The following SPATA17 variants were observed in gnomAD, a reference collection of about 807,000 sequenced individuals.
The protein encoded by SPATA17 is spermatogenesis associated 17, also known as spermatogenesis-associated protein 17.
In SPATA17, 53 loss-of-function variants were observed where a neutral mutation model predicts 62.2. That is an observed-to-expected ratio of 0.85 (90% CI 0.68 to 1.07). SPATA17 has a LOEUF of 1.07. Among genes scored for constraint, SPATA17 ranks in the 50% least tolerant of loss-of-function variants. The pLI, the probability that SPATA17 is intolerant of heterozygous loss-of-function variation, is 0.00. For missense variants in SPATA17, 466 were observed against 425.5 expected (o/e 1.10, Z -0.84); for synonymous variants, 146 against 146.8 (o/e 0.99, Z 0.04).
chr1:217,809,308 C>T (rs901618477), intron 9 of SPATA17, among the ~76,000 whole-genome samples: 2 of 152,110 alleles, frequency 1.3e-5, no homozygotes, highest in African/African-American at 2.4e-5. Context: ...CTAGTTCACC[C>T]TTAGAACTGA....
At chr1:217,797,089 T>C (rs1466712707) in intron 8 of SPATA17, among the ~76,000 whole-genome samples, 1 of 152,186 alleles carries the variant, frequency 6.6e-6, no homozygotes, top group Non-Finnish European at 1.5e-5. Flanking sequence ...AAATAATTTG[T>C]ATATTTCCAA....
intron 3 of SPATA17, among the ~76,000 whole-genome samples, chr1:217,662,636 CAT>C (rs1431820980): frequency 6.6e-6 from 1 of 152,066 alleles, no homozygotes; most frequent in African/African-American, 2.4e-5. Context: ...AAAATGATGA[CAT>C]GTACCATCAA....
At chr1:217,839,698 A>G (rs1047766707) in intron 9 of SPATA17, among the ~76,000 whole-genome samples, 1 of 148,422 alleles carries the variant, frequency 6.7e-6, no homozygotes, top group Non-Finnish European at 1.5e-5. Flanking sequence ...AAGCATATCC[A>G]TATATATCTT....
intron 9 of SPATA17, among the ~76,000 whole-genome samples, chr1:217,830,526 A>G (rs896153054): frequency 4.6e-5 from 7 of 152,164 alleles, no homozygotes; most frequent in Non-Finnish European, 7.3e-5. Flanking sequence ...GCAAAAAATT[A>G]TTCTCATAGA....
chr1:217,697,859 C>G (rs1671495789), intron 5 of SPATA17, among the ~76,000 whole-genome samples: 1 of 152,040 alleles, frequency 6.6e-6, no homozygotes, highest in Non-Finnish European at 1.5e-5. Flanking sequence ...ATCTTCTTGT[C>G]TATAGTATTC....
intron 5 of SPATA17, among the ~76,000 whole-genome samples, chr1:217,700,516 C>T (rs1045030476): frequency 5.9e-5 from 9 of 152,230 alleles, no homozygotes; most frequent in African/African-American, 2.2e-4. Context: ...TGATTGAATA[C>T]ACACCCATAG....
intron 3 of SPATA17, among the ~76,000 whole-genome samples, chr1:217,656,582 T>TATGTATG (rs777640126): frequency 3.6e-4 from 43 of 118,464 alleles, no homozygotes; most frequent in African/African-American, 1.1e-3. Flanking sequence ...ATGTATGTAT[T>TATGTATG]TATTTATTTT....
intron 9 of SPATA17, among the ~76,000 whole-genome samples, chr1:217,804,944 C>T (rs1422732600): frequency 6.6e-6 from 1 of 152,024 alleles, no homozygotes; most frequent in East Asian, 1.9e-4. Context: ...GGTGGGAATA[C>T]AAATTAGTAC....
At chr1:217,681,148 A>C (rs1033503141) in intron 4 of SPATA17, among the ~76,000 whole-genome samples, 2 of 150,374 alleles carry the variant, frequency 1.3e-5, no homozygotes, top group African/African-American at 4.9e-5. Context: ...AATCGCTTGA[A>C]CCAGGGAGTT....
chr1:217,698,994 C>CT (rs1297768627), intron 5 of SPATA17, among the ~76,000 whole-genome samples: 1 of 152,128 alleles, frequency 6.6e-6, no homozygotes, highest in African/African-American at 2.4e-5. Flanking sequence ...TTATGATTGA[C>CT]TTTTTTTCCA....
rs150160315 is a variant in SPATA17 at position 217,651,107 on chromosome 1, A to G, written c.169A>G (p.Arg57Gly). 1.2e-5 allele frequency: 20 copies of G among 1,606,640 alleles called. No homozygotes were observed. The African/African-American group carries it at 2.3e-4, about 18-fold the overall frequency. ...TTTTTTTTATCCTAGGCATTTAAAC[A>G]GGATTGTAACAATTATTCAAAAATG... is the stretch of plus-strand genomic sequence containing the variant. Reference protein sequence around the residue: ...QVRAYIRHLNRIVTIIQKWWR... With the variant: ...QVRAYIRHLNGIVTIIQKWWR... The change falls in exon 3 of 11, where the codon AGG becomes GGG. Residue 57 changes from arginine (R) to glycine (G), a missense_variant. By Grantham distance (125) the Arg-to-Gly change is moderately radical. Coordinates refer to ENST00000366933, the MANE Select transcript of SPATA17 (RefSeq NM_138796.4).
At position 217,782,769 on chromosome 1, in the gene SPATA17, G is replaced by A. The variant is rs1673761326; in HGVS notation, c.872+447G>A. Among the ~76,000 whole-genome samples the A allele has an allele frequency of 2.6e-5, 4 of 152,022 alleles. No individual in the cohort carries two copies. The South Asian group carries it at 8.3e-4, about 31-fold the overall frequency. On this transcript the variant is annotated intron_variant, in intron 8 of 10. Coordinates refer to ENST00000366933, the MANE Select transcript of SPATA17 (RefSeq NM_138796.4). ...GAAAGAAGTTAGCTTCTTTATGACTGAGGAAGATGACTGAAAAAGATGAAG... is the reference window on the plus strand; with the variant it reads ...GAAAGAAGTTAGCTTCTTTATGACTAAGGAAGATGACTGAAAAAGATGAAG...
intron 9 of SPATA17, among the ~76,000 whole-genome samples, chr1:217,833,577 G>A (rs1294116775): frequency 6.6e-6 from 1 of 152,022 alleles, no homozygotes; most frequent in Non-Finnish European, 1.5e-5. Flanking sequence ...ATTTTCCTTT[G>A]TTGGAAATCT....
chr1:217,726,484 T>C (rs1672259428), intron 5 of SPATA17, among the ~76,000 whole-genome samples: 1 of 152,208 alleles, frequency 6.6e-6, no homozygotes, highest in African/African-American at 2.4e-5. Flanking sequence ...ATAAACCCTC[T>C]TGGCTGGGGT....
intron 3 of SPATA17, among the ~76,000 whole-genome samples, chr1:217,658,607 A>G (rs1443976648): frequency 6.6e-6 from 1 of 151,972 alleles, no homozygotes; most frequent in Non-Finnish European, 1.5e-5. Context: ...GAACACAAAA[A>G]ATTAGCAGGG....
At chr1:217,642,279 A>G (rs1376399314) in intron 1 of SPATA17, among the ~76,000 whole-genome samples, 1 of 152,162 alleles carries the variant, frequency 6.6e-6, no homozygotes, top group Non-Finnish European at 1.5e-5. Context: ...GAAACTATGT[A>G]TGTATCCTAT....
At chr1:217,855,584 G>T (rs1675762343) in intron 9 of SPATA17, among the ~76,000 whole-genome samples, 1 of 151,856 alleles carries the variant, frequency 6.6e-6, no homozygotes, top group African/African-American at 2.4e-5. Context: ...TAATACATAT[G>T]CCACTGAATA....
chr1:217,791,638 T>C (rs1673996484), intron 8 of SPATA17, among the ~76,000 whole-genome samples: 1 of 152,244 alleles, frequency 6.6e-6, no homozygotes, highest in African/African-American at 2.4e-5. Flanking sequence ...TGGAATACTT[T>C]CAGTGATATG....
intron 5 of SPATA17, among the ~76,000 whole-genome samples, chr1:217,703,022 G>A (rs192369771): frequency 8.0e-4 from 121 of 151,174 alleles, no homozygotes; most frequent in Middle Eastern, 3.4e-3. Flanking sequence ...TATTACAAGC[G>A]CCCACACCAT....
Sources: allele counts gnomAD v4.1 joint callset (sites outside exome capture counted in the v4.1 genomes callset), GRCh38; gene constraint gnomAD v4.1.1; transcripts MANE v1.5; gene names NCBI Gene and HGNC (gene_info 2026-07-23, HGNC 2026-07-21).